The following LRP1B variants were observed in gnomAD, a reference collection of about 807,000 sequenced individuals.
LRP1B encodes low-density lipoprotein receptor-related protein 1B.
Under a neutral mutation model 556.6 loss-of-function variants are expected in LRP1B, and 217 were observed. The observed-to-expected ratio is 0.39, with a 90% confidence interval of 0.35 to 0.44. The LOEUF is 0.44. Among genes scored for constraint, LRP1B ranks in the 20% least tolerant of loss-of-function variants. The pLI, the probability that LRP1B is intolerant of heterozygous loss-of-function variation, is 1.00. For missense variants in LRP1B, 5,053 were observed against 5,620.8 expected (o/e 0.90, Z 3.23); for synonymous variants, 2,047 against 1,865.8 (o/e 1.10, Z -2.50).
chr2:140,598,576 G>A (rs1303985721), intron 43 of LRP1B, 55 bp downstream of exon 43: 2 of 1,355,592 alleles, frequency 1.5e-6, no homozygotes, highest in Non-Finnish European at 2.1e-6. Context: ...TAAATCACAT[G>A]TTTTAAATAT....
intron 27 of LRP1B, among the ~76,000 whole-genome samples, chr2:140,854,397 TG>T (rs1692553493): frequency 6.6e-6 from 1 of 152,178 alleles, no homozygotes; most frequent in Admixed American, 6.5e-5. Context: ...ATGATAACAC[TG>T]TAATGTATAA....
At chr2:140,321,727 C>A (rs566406052) in intron 82 of LRP1B, among the ~76,000 whole-genome samples, 140 of 152,106 alleles carry the variant, frequency 9.2e-4, no homozygotes, top group African/African-American at 3.2e-3. Flanking sequence ...CTTCAAAGTT[C>A]TCGATCTGTT....
At chr2:140,246,078 G>C (rs564665706) in intron 87 of LRP1B, among the ~76,000 whole-genome samples, 1 of 151,380 alleles carries the variant, frequency 6.6e-6, no homozygotes, top group South Asian at 2.1e-4. Context: ...AAACTGTCTG[G>C]GGGCAGAGAC....
chr2:140,394,336 G>A (rs1296262756), intron 66 of LRP1B, among the ~76,000 whole-genome samples: 1 of 151,996 alleles, frequency 6.6e-6, no homozygotes, highest in Non-Finnish European at 1.5e-5. Context: ...AGCACAGTTG[G>A]TCCATTGTAA....
chr2:141,632,868 C>T (rs1444995007), intron 2 of LRP1B, among the ~76,000 whole-genome samples: 2 of 12,230 alleles, frequency 1.6e-4, no homozygotes, highest in Admixed American at 9.7e-4. Context: ...GCTACAAGAA[C>T]CAAAAAAAAA....
intron 3 of LRP1B, among the ~76,000 whole-genome samples, chr2:141,425,132 A>G (rs1234444002): frequency 6.7e-6 from 1 of 149,632 alleles, no homozygotes; most frequent in African/African-American, 2.5e-5. Flanking sequence ...ATGTGTTCTC[A>G]TCGTTCAGTT....
At chr2:142,057,819 G>A (rs376306604) in intron 1 of LRP1B, among the ~76,000 whole-genome samples, 1 of 152,110 alleles carries the variant, frequency 6.6e-6, no homozygotes, top group African/African-American at 2.4e-5. Flanking sequence ...AGCTCAAAGA[G>A]CTCCTTCTCT....
intron 3 of LRP1B, among the ~76,000 whole-genome samples, chr2:141,449,149 T>C (rs560439125): frequency 2.6e-5 from 4 of 152,326 alleles, no homozygotes; most frequent in South Asian, 4.1e-4. Flanking sequence ...TGGCAAGATA[T>C]TCCCTTTTAT....
At chr2:140,587,181 A>C (rs1682020302) in intron 43 of LRP1B, among the ~76,000 whole-genome samples, 1 of 152,128 alleles carries the variant, frequency 6.6e-6, no homozygotes, top group South Asian at 2.1e-4. Context: ...AAAAAGCAGA[A>C]AGAAAGAAAA....
chr2:141,543,072 C>T (rs537563512), intron 2 of LRP1B, among the ~76,000 whole-genome samples: 10 of 152,062 alleles, frequency 6.6e-5, no homozygotes, highest in African/African-American at 9.6e-5. Context: ...TAAATATACC[C>T]GTGAATGATA....
At chr2:141,640,023 C>T (rs1169632509) in intron 2 of LRP1B, among the ~76,000 whole-genome samples, 2 of 152,194 alleles carry the variant, frequency 1.3e-5, no homozygotes, top group Non-Finnish European at 2.9e-5. Flanking sequence ...GCAATAGAAG[C>T]TTGAACCCAA....
intron 2 of LRP1B, among the ~76,000 whole-genome samples, chr2:141,752,683 G>A (rs1694158400): frequency 1.3e-5 from 2 of 151,532 alleles, no homozygotes; most frequent in South Asian, 4.2e-4. Context: ...TATAGTTGTG[G>A]TGATGGTAAG....
intron 6 of LRP1B, among the ~76,000 whole-genome samples, chr2:141,209,859 A>G (rs1005152883): frequency 9.2e-5 from 14 of 152,208 alleles, no homozygotes; most frequent in Middle Eastern, 3.2e-3. Context: ...GAAAGCAAGT[A>G]CAAGGGAACT....
intron 41 of LRP1B, among the ~76,000 whole-genome samples, chr2:140,656,542 A>G (rs16844404): frequency 0.077 from 11,787 of 152,212 alleles, 578 homozygotes; most frequent in African/African-American, 0.13. Context: ...ATGACCTGAT[A>G]CAGAAAAATT....
intron 3 of LRP1B, among the ~76,000 whole-genome samples, chr2:141,414,022 G>T (rs1019289218): frequency 6.6e-6 from 1 of 152,080 alleles, no homozygotes; most frequent in Non-Finnish European, 1.5e-5. Flanking sequence ...CGAGGTCAGA[G>T]GTCAGGAGAT....
intron 35 of LRP1B, among the ~76,000 whole-genome samples, chr2:140,718,862 T>C (rs1687300452): frequency 6.6e-6 from 1 of 152,040 alleles, no homozygotes; most frequent in African/African-American, 2.4e-5. Flanking sequence ...CATATTTTTT[T>C]TTCTTTTTGT....
chr2:140,381,310 C>A (rs551425319), intron 67 of LRP1B, among the ~76,000 whole-genome samples: 1 of 152,230 alleles, frequency 6.6e-6, no homozygotes, highest in South Asian at 2.1e-4. Context: ...AACAACATGA[C>A]TGTAGTAAAA....
chr2:141,455,423 T>C (rs375423984), intron 3 of LRP1B, among the ~76,000 whole-genome samples: 14 of 152,274 alleles, frequency 9.2e-5, no homozygotes, highest in African/African-American at 2.4e-4. Flanking sequence ...CAGTGTTCAG[T>C]TGAAGTGTCC....
At chr2:141,283,523 G>A (rs535553814) in intron 3 of LRP1B, among the ~76,000 whole-genome samples, 6 of 151,902 alleles carry the variant, frequency 3.9e-5, no homozygotes, top group Non-Finnish European at 8.8e-5. Flanking sequence ...AATCACTGAA[G>A]GATTAGGAAA....
Sources: allele counts gnomAD v4.1 joint callset (sites outside exome capture counted in the v4.1 genomes callset), GRCh38; gene constraint gnomAD v4.1.1; transcripts MANE v1.5; gene names NCBI Gene and HGNC (gene_info 2026-07-23, HGNC 2026-07-21).